STPG2: variants seen among roughly 807,000 people sequenced by gnomAD.
STPG2 encodes the protein sperm-tail PG-rich repeat-containing protein 2.
A neutral mutation model predicts 54.2 loss-of-function variants in STPG2; 56 were observed. The observed-to-expected ratio is 1.03, with a 90% CI of 0.83 to 1.29. STPG2 has a LOEUF of 1.29. Among genes scored for constraint, STPG2 ranks in the 50% most tolerant of loss-of-function variants. The pLI, the probability that STPG2 is intolerant of heterozygous loss-of-function variation, is 0.00. For synonymous variants in STPG2, 200 were observed against 181.8 expected (o/e 1.10, Z -0.81); for missense variants, 596 against 544.9 (o/e 1.09, Z -0.93).
chr4:98,081,027 C>A (rs1481061278), intron 5 of STPG2, among the ~76,000 whole-genome samples: 1 of 152,140 alleles, frequency 6.6e-6, no homozygotes, highest in Admixed American at 6.5e-5. Context: ...CCTTGTCCTG[C>A]CTCTCAAAGC....
chr4:97,460,135 C>T (rs1051848187), intron 4 of STPG2, among the ~76,000 whole-genome samples: 3 of 152,088 alleles, frequency 2.0e-5, no homozygotes, highest in African/African-American at 7.2e-5. Context: ...CTTCCATCAA[C>T]CCCCCACTAG....
chr4:98,011,330 T>C (rs998038856), intron 5 of STPG2, among the ~76,000 whole-genome samples: 1 of 152,234 alleles, frequency 6.6e-6, no homozygotes, highest in African/African-American at 2.4e-5. Flanking sequence ...ATGGTGTATA[T>C]GTGCCACATT....
chr4:98,010,297 T>A (rs1006512748), intron 5 of STPG2, among the ~76,000 whole-genome samples: 1 of 152,178 alleles, frequency 6.6e-6, no homozygotes, highest in Non-Finnish European at 1.5e-5. Context: ...TGTATTTCCA[T>A]TTTCATTTGT....
Position 97,779,456 on chromosome 4 carries a change from C to T in STPG2, c.1204+61317G>A, listed in dbSNP as rs568588362. Among the ~76,000 whole-genome samples, 137 of 151,938 alleles carry T rather than the reference C, an allele frequency of 9.0e-4. 1 individual carries two copies. Among genetic ancestry groups the T allele is most frequent in the Non-Finnish European group, 1.5e-3 (103 of 67,868 alleles). On this transcript the variant is annotated intron_variant, in intron 9 of 10. Transcript: ENST00000295268. ...TGTATAGACCAAATCTATATCTGAT[C>T]GGTGTACCTGAAAGTGATGGGGAGA...
chr4:97,651,285 A>T (rs1444397853), intron 10 of STPG2, among the ~76,000 whole-genome samples: 1 of 152,084 alleles, frequency 6.6e-6, no homozygotes, highest in Non-Finnish European at 1.5e-5. Context: ...GAAAAAAAAA[A>T]TTCTAAATCT....
intron 5 of STPG2, among the ~76,000 whole-genome samples, chr4:98,089,945 ACTAG>A (rs2110125312): frequency 6.6e-6 from 1 of 151,976 alleles, no homozygotes; most frequent in East Asian, 1.9e-4. Flanking sequence ...AATTCTGAAT[ACTAG>A]TCCTTTGTCA....
rs1739423528 is a variant in STPG2 at position 98,113,643 on chromosome 4, T to TA, written c.388-4339dup. ...CACTGAGTGATGAGTGACAGTCTTA[T>TA]AAAGCACTATCTCAAAGTAATATAT... is the stretch of plus-strand genomic sequence containing the variant. On this transcript the variant is annotated intron_variant, in intron 3 of 10. Transcript: ENST00000295268. Among the ~76,000 whole-genome samples the TA allele has an allele frequency of 3.9e-5, 6 of 152,118 alleles. No individual in the cohort carries two copies. The South Asian group carries it at 1.2e-3, about 32-fold the overall frequency.
rs2149270703 is a variant in STPG2 at position 97,993,254 on chromosome 4, T to G, written c.613-11936A>C. On this transcript the variant is annotated intron_variant, in intron 5 of 10. Transcript: ENST00000295268. ...ATGACTTTTATTACCTTAAGGTGTG[T>G]CCCTTCTATGCCGATTTTGCTGAGG... 2.6e-5 allele frequency among the ~76,000 whole-genome samples: 4 copies of G among 152,270 alleles called. No homozygotes were observed. In the Middle Eastern group the frequency reaches 0.014, roughly 518 times the overall value.
At chr4:98,030,849 C>A (rs937768454) in intron 5 of STPG2, among the ~76,000 whole-genome samples, 1 of 152,182 alleles carries the variant, frequency 6.6e-6, no homozygotes, top group Non-Finnish European at 1.5e-5. Context: ...AAGACTGAAA[C>A]TGGGCCCCTT....
At chr4:97,749,665 AAT>A (rs760115141) in intron 9 of STPG2, among the ~76,000 whole-genome samples, 1 of 151,812 alleles carries the variant, frequency 6.6e-6, no homozygotes, top group African/African-American at 2.4e-5. Flanking sequence ...TACAGTTATT[AAT>A]AAGTGCCCCA....
intron 10 of STPG2, among the ~76,000 whole-genome samples, chr4:97,672,166 C>CTTTTTTTTTTTTT (rs70953079): frequency 2.5e-5 from 2 of 80,698 alleles, no homozygotes; most frequent in African/African-American, 4.7e-5. Context: ...ACTGGTAATT[C>CTTTTTTTTTTTTT]TTTTTTTTTT....
intron 10 of STPG2, among the ~76,000 whole-genome samples, chr4:97,705,840 A>C (rs1281104368): frequency 2.0e-5 from 3 of 152,012 alleles, no homozygotes; most frequent in Non-Finnish European, 2.9e-5. Context: ...CTAGGATCAT[A>C]TTTATAAACT....
rs34459070 is a variant in STPG2, at chr4:97,570,560, G to GTT, written c.1321-11445_1321-11444dup. On this transcript the variant is annotated intron_variant, in intron 10 of 10. Coordinates refer to ENST00000295268, the MANE Select transcript of STPG2 (RefSeq NM_174952.3). Reference sequence around the variant, plus strand: ...GTATTCTAGATTTGCAAAAACAAAAGTTTTTTTTTTTTTCCTGCCCCCACT... The same window carrying GTT: ...GTATTCTAGATTTGCAAAAACAAAAGTTTTTTTTTTTTTTTCCTGCCCCCACT... 4.2e-3 allele frequency among the ~76,000 whole-genome samples: 608 copies of GTT among 145,296 alleles called. 2 individuals are homozygous for GTT. The highest frequency in any genetic ancestry group is 0.021 in the South Asian group (94 of 4,560).
At chr4:97,868,658 T>A (rs544662254) in intron 8 of STPG2, among the ~76,000 whole-genome samples, 3 of 151,814 alleles carry the variant, frequency 2.0e-5, no homozygotes, top group Non-Finnish European at 4.4e-5. Flanking sequence ...ATTTTCTGGG[T>A]TTGTGCCGTC....
intron 5 of STPG2, among the ~76,000 whole-genome samples, chr4:98,078,737 T>C (rs1199613892): frequency 6.6e-6 from 1 of 152,128 alleles, no homozygotes; most frequent in Admixed American, 6.6e-5. Flanking sequence ...TAGACAATCT[T>C]TCAAAAGATA....
intron 10 of STPG2, among the ~76,000 whole-genome samples, chr4:97,617,472 C>T (rs1733905476): frequency 6.6e-6 from 1 of 152,168 alleles, no homozygotes; most frequent in African/African-American, 2.4e-5. Flanking sequence ...TACACAGGAA[C>T]TTTCCCACTT....
chr4:97,876,126 TAAA>T (rs1268073123), intron 8 of STPG2, among the ~76,000 whole-genome samples: 2 of 152,056 alleles, frequency 1.3e-5, no homozygotes, highest in Non-Finnish European at 2.9e-5. Context: ...AAGCGAATGC[TAAA>T]AAGTCTGTCT....
At chr4:98,091,006 C>T (rs1373977570) in intron 5 of STPG2, among the ~76,000 whole-genome samples, 1 of 151,528 alleles carries the variant, frequency 6.6e-6, no homozygotes, top group Admixed American at 6.6e-5. Flanking sequence ...ATGTCACATG[C>T]TTCTTATATC....
intron 9 of STPG2, among the ~76,000 whole-genome samples, chr4:97,732,462 GT>G (rs1450886230): frequency 2.6e-5 from 4 of 152,204 alleles, no homozygotes; most frequent in Non-Finnish European, 2.9e-5. Context: ...CCCAATTTAT[GT>G]TTTTGTATGC....
Sources: gnomAD v4.1 joint callset for allele counts (sites outside exome capture counted in the v4.1 genomes callset) on GRCh38, gnomAD v4.1.1 for gene constraint, MANE v1.5 for transcripts, NCBI Gene and HGNC (gene_info 2026-07-23, HGNC 2026-07-21) for gene names.